CNTNAP4: variants seen among roughly 807,000 people sequenced by gnomAD.
The protein encoded by CNTNAP4 is contactin associated protein family member 4.
CNTNAP4 carries 98 observed loss-of-function variants against 148.4 expected under a neutral mutation model. The ratio of observed to expected loss-of-function variants is 0.66; its 90% CI spans 0.56 to 0.78. The LOEUF (loss-of-function observed/expected upper bound fraction) is 0.78, where lower values mean the gene tolerates loss of function less well. Among genes scored for constraint, CNTNAP4 ranks in the 30% least tolerant of loss-of-function variants. CNTNAP4 has a pLI of 0.00. For missense variants in CNTNAP4, 1,935 were observed against 1,565.6 expected (o/e 1.24, Z -3.98); for synonymous variants, 730 against 565.1 (o/e 1.29, Z -4.14).
chr16:76,488,339 C>G (rs1446144275), intron 12 of CNTNAP4, among the ~76,000 whole-genome samples: 2 of 152,118 alleles, frequency 1.3e-5, no homozygotes, highest in African/African-American at 2.4e-5. Context: ...TGAGAGCATT[C>G]TACTGTTGAA....
intron 3 of CNTNAP4, among the ~76,000 whole-genome samples, chr16:76,395,835 C>T (rs1224121020): frequency 6.6e-6 from 1 of 151,430 alleles, no homozygotes; most frequent in African/African-American, 2.4e-5. Context: ...TTCAAGTGAT[C>T]CTCCTGCCTC....
intron 3 of CNTNAP4, among the ~76,000 whole-genome samples, chr16:76,378,375 C>T (rs922456127): frequency 2.0e-5 from 3 of 152,180 alleles, no homozygotes; most frequent in African/African-American, 7.2e-5. Flanking sequence ...CAGGCCTCCA[C>T]ATGTTCTTTG....
intron 21 of CNTNAP4, among the ~76,000 whole-genome samples, chr16:76,543,812 AG>A (rs2084569550): frequency 6.6e-6 from 1 of 152,224 alleles, no homozygotes; most frequent in Non-Finnish European, 1.5e-5. Flanking sequence ...AGAGCCCAGC[AG>A]TGGGGACCCT....
intron 3 of CNTNAP4, among the ~76,000 whole-genome samples, chr16:76,369,408 A>G (rs942331287): frequency 2.0e-5 from 3 of 152,220 alleles, no homozygotes; most frequent in African/African-American, 7.2e-5. Flanking sequence ...TTATGCAATT[A>G]TGGAGACCAA....
In CNTNAP4 at chr16:76,540,065, T is replaced by C. The variant is rs1419570759; in HGVS notation, c.3354+213T>C. 2.0e-5 allele frequency among the ~76,000 whole-genome samples: 3 copies of C among 152,146 alleles called. No homozygotes were observed. In the East Asian group the frequency reaches 5.8e-4, roughly 29 times the overall value. On this transcript the variant is annotated intron_variant, in intron 20 of 23. Coordinates refer to ENST00000611870, the MANE Select transcript of CNTNAP4 (RefSeq NM_033401.5). ...ATCGGATACTTTAAATGCCAATCTT[T>C]TCTAACTTGTTTCTGCTCAGAAGGA...
chr16:76,522,193 A>G lies in CNTNAP4; in HGVS notation c.2691A>G (p.Pro897=). The stretch of plus-strand genomic sequence containing the variant: ...CCCTTCAAGTGGATCAGCTGACACC[A>G]AAGACACAGCCCGCCCCCGCTGATG... ...EASLQVDQLT[P]KTQPAPADGH... is the part of the protein sequence containing the mutation. Residue 897 remains proline (P), a synonymous_variant, in exon 17 of 24, where the codon CCA becomes CCG. Transcript: ENST00000611870. 1 of 1,614,016 alleles carries G rather than the reference A, an allele frequency of 6.2e-7. No individual in the cohort carries two copies. Among genetic ancestry groups the G allele is most frequent in the Non-Finnish European group, 8.5e-7 (1 of 1,179,904 alleles).
rs973107322 is a variant in CNTNAP4, at chr16:76,476,112, T to C, written c.1762+67T>C. 21 of 1,071,538 alleles carry C rather than the reference T, an allele frequency of 2.0e-5. No homozygotes were observed. The African/African-American group carries it at 2.9e-4, about 15-fold the overall frequency. The allele number at this position is 1,071,538 out of a possible 1,614,324, so 66.4% of individuals were successfully genotyped here. On this transcript the variant is annotated intron_variant, in intron 11 of 23. Transcript: ENST00000611870. ...TTCTTTGTCCCATTTCCCTTTTCAT[T>C]GCTGTGTGTATATATGTCTGTTCTG...
At chr16:76,502,095 G>T (rs12930092) in intron 15 of CNTNAP4, among the ~76,000 whole-genome samples, 91,003 of 151,234 alleles carry the variant, frequency 0.6, 28,504 homozygotes, top group East Asian at 0.78. Flanking sequence ...TTTACAAATA[G>T]TTTCAAGTAT....
chr16:76,553,373 C>A lies in CNTNAP4; in HGVS notation c.3533C>A (p.Pro1178His). 6.2e-7 allele frequency: 1 copy of A among 1,612,818 alleles called. No homozygotes were observed. The highest frequency in any genetic ancestry group is 8.5e-7 in the Non-Finnish European group (1 of 1,179,320). ...LSAVQLSHVA[P>H]LKAALHPSHP... ...GCAGTGCAGCTCAGCCACGTGGCCC[C>A]TCTGAAGGCAGCTCTGCACCCCAGC... Residue 1178 changes from proline (P) to histidine (H), a missense_variant, in exon 22 of 24, where the codon CCT becomes CAT. Transcript: ENST00000611870.
chr16:76,520,803 A>G (rs1276635968), intron 15 of CNTNAP4, among the ~76,000 whole-genome samples: 1 of 152,300 alleles, frequency 6.6e-6, no homozygotes, highest in East Asian at 1.9e-4. Context: ...CCTATTTATC[A>G]ATGTTTGGCA....
intron 21 of CNTNAP4, among the ~76,000 whole-genome samples, chr16:76,547,922 G>C (rs527705347): frequency 6.6e-6 from 1 of 152,274 alleles, no homozygotes; most frequent in South Asian, 2.1e-4. Context: ...CGAAGCCAAA[G>C]GGGTAAAAAA....
intron 3 of CNTNAP4, among the ~76,000 whole-genome samples, chr16:76,422,920 C>G (rs1465407287): frequency 6.6e-6 from 1 of 152,148 alleles, no homozygotes; most frequent in African/African-American, 2.4e-5. Context: ...ATATTGAAAT[C>G]TTAACCCTCA....
chr16:76,455,017 G>A (rs1008637830), intron 8 of CNTNAP4, among the ~76,000 whole-genome samples: 4 of 152,124 alleles, frequency 2.6e-5, no homozygotes, highest in African/African-American at 7.2e-5. Context: ...TTAATATGAT[G>A]TACAGTTTTG....
intron 3 of CNTNAP4, among the ~76,000 whole-genome samples, chr16:76,357,648 C>A (rs1460099661): frequency 6.6e-6 from 1 of 152,166 alleles, no homozygotes; most frequent in Non-Finnish European, 1.5e-5. Flanking sequence ...TGTAAGAGCA[C>A]CTGGCATGTC....
In CNTNAP4 at chr16:76,364,366, A is replaced by G. The variant is rs61548913; in HGVS notation, c.390+8855A>G. Among the ~76,000 whole-genome samples, 539 of 152,266 alleles carry G rather than the reference A, an allele frequency of 3.5e-3. 3 individuals carry two copies. The highest frequency in any genetic ancestry group is 0.012 in the African/African-American group (509 of 41,538). On this transcript the variant is annotated intron_variant, in intron 3 of 23. Transcript: ENST00000611870. ...TCTTTAAATGGATCTGTTTGTAAGC[A>G]AGCAAAAAATTTATTTGAAGAGAGG...
chr16:76,337,949 G>T (rs1417509300), intron 2 of CNTNAP4, among the ~76,000 whole-genome samples: 1 of 152,170 alleles, frequency 6.6e-6, no homozygotes, highest in Admixed American at 6.5e-5. Flanking sequence ...GATCGCTGTT[G>T]TTCTATTCTT....
intron 3 of CNTNAP4, among the ~76,000 whole-genome samples, chr16:76,387,327 A>G (rs1211170113): frequency 1.3e-5 from 2 of 152,238 alleles, no homozygotes; most frequent in African/African-American, 2.4e-5. Flanking sequence ...TGGAACTGAT[A>G]TTTTGAGAGA....
intron 4 of CNTNAP4, among the ~76,000 whole-genome samples, chr16:76,430,829 C>G (rs1401830213): frequency 6.6e-6 from 1 of 152,200 alleles, no homozygotes; most frequent in Non-Finnish European, 1.5e-5. Context: ...CAGAACTACA[C>G]AACCCGTGTT....
rs181195631 is a variant in CNTNAP4, at chr16:76,431,453, G to C, written c.538+3854G>C. Among the ~76,000 whole-genome samples, 281 of 152,250 alleles carry C rather than the reference G, an allele frequency of 1.8e-3. 1 individual carries two copies. Among genetic ancestry groups the C allele is most frequent in the African/African-American group, 6.4e-3 (266 of 41,554 alleles). ...CCAGGACTTTGGAAGGTGGAGGTGGGGGGTTACCTGAGGTCAGGAGTTCGA... is the reference window on the plus strand; with the variant it reads ...CCAGGACTTTGGAAGGTGGAGGTGGCGGGTTACCTGAGGTCAGGAGTTCGA... On this transcript the variant is annotated intron_variant, in intron 4 of 23. Transcript: ENST00000611870.
Sources: gnomAD v4.1 joint callset for allele counts (sites outside exome capture counted in the v4.1 genomes callset) on GRCh38, gnomAD v4.1.1 for gene constraint, MANE v1.5 for transcripts, NCBI Gene and HGNC (gene_info 2026-07-23, HGNC 2026-07-21) for gene names.